The following EPHA10 variants were observed in gnomAD, a reference collection of about 807,000 sequenced individuals.
EPHA10 encodes the protein ephrin type-A receptor 10.
A neutral mutation model predicts 109.7 loss-of-function variants in EPHA10; 120 were observed. The observed-to-expected ratio is 1.09, with a 90% CI of 0.94 to 1.27. The LOEUF (loss-of-function observed/expected upper bound fraction) is 1.27. Ranked by LOEUF, EPHA10 falls within the 50% of genes most tolerant of loss-of-function variation. The probability of loss-of-function intolerance (pLI) is 0.00; values close to 1 mark genes in which losing one functional copy is unlikely to be tolerated. For synonymous variants in EPHA10, 640 were observed against 618.9 expected (o/e 1.03, Z -0.51); for missense variants, 1,396 against 1,411.1 (o/e 0.99, Z 0.17).
intron 12 of EPHA10, 40 bp downstream of exon 12, chr1:37,720,743 A>G (rs1472646899): frequency 2.5e-5 from 41 of 1,610,718 alleles, no homozygotes; most frequent in Non-Finnish European, 3.3e-5. Context: ...TGCCCGCTTT[A>G]CAGAATAAAG....
intron 12 of EPHA10, 77 bp from the exon 13 acceptor site, chr1:37,720,631 A>C: frequency 6.5e-7 from 1 of 1,538,410 alleles, no homozygotes; most frequent in Non-Finnish European, 8.8e-7. Context: ...GCGGTCACCT[A>C]GCTCTCGCCA....
At chr1:37,720,938 G>A (rs994679614) in intron 11 of EPHA10, 94 bp from the exon 12 acceptor site, 52 of 1,260,190 alleles carry the variant, frequency 4.1e-5, no homozygotes, top group Non-Finnish European at 5.6e-5. Context: ...TGGGCCTCGA[G>A]AGCCAGAACC....
intron 5 of EPHA10, 100 bp from the exon 6 acceptor site, chr1:37,735,490 C>A: frequency 7.1e-7 from 1 of 1,402,866 alleles, no homozygotes; most frequent in Non-Finnish European, 9.6e-7. Flanking sequence ...TGGGACCGGA[C>A]TAGAGAGGCC....
chr1:37,762,273 T>C (rs1214586052), intron 2 of EPHA10, among the ~76,000 whole-genome samples, 190 bp from the exon 3 acceptor site: 1 of 152,174 alleles, frequency 6.6e-6, no homozygotes, highest in African/African-American at 2.4e-5. Flanking sequence ...AAACTGAGGC[T>C]CCAGAGGGAG....
rs1160002328 is a variant in EPHA10, at chr1:37,761,621, G to A, written c.634C>T (p.Arg212Cys). The A allele has an allele frequency of 9.4e-6, 15 of 1,603,990 alleles. No homozygotes were observed. Among genetic ancestry groups the A allele is most frequent in the Non-Finnish European group, 1.1e-5 (13 of 1,179,464 alleles). Reference protein sequence around the residue: ...VSVRVYYKQCRATVRGLATFP... With the variant: ...VSVRVYYKQCCATVRGLATFP... ...GTGGCCAGGCCCCGCACGGTGGCGC[G>A]GCACTGCTTGTAGTAGACGCGCACC... is the stretch of plus-strand genomic sequence containing the variant. The change falls in exon 3 of 17, where the codon CGC (arginine) becomes TGC (cysteine). Residue 212 changes from arginine to cysteine, a missense_variant. Transcript: ENST00000373048.
At chr1:37,760,178 T>A (rs1204496011) in intron 3 of EPHA10, 1 of 685,606 alleles carries the variant, frequency 1.5e-6, no homozygotes. Context: ...GATTTTTAAA[T>A]TTTTGCATCT....
intron 3 of EPHA10, chr1:37,761,089 T>TAAAA (rs74980924): frequency 7.2e-5 from 66 of 912,600 alleles, no homozygotes; most frequent in Non-Finnish European, 7.2e-5. Context: ...CTCCTTATTT[T>TAAAA]AAAAAAAAAA....
rs2148305752 is a variant in EPHA10 at position 37,719,984 on chromosome 1, C to T, written c.2487G>A (p.Val829=). ...QFGHFSSASD[V]WSFGIIMWEV... ...CCCACATGATGATGCCGAAGCTCCA[C>T]ACGTCACTGGCAGAGCTGAAGTGGC... Residue 829 remains valine, a synonymous_variant, in exon 14 of 17, where the codon GTG becomes GTA. Transcript: ENST00000373048. 6.2e-7 allele frequency: 1 copy of T among 1,614,112 alleles called. No homozygotes were observed. The highest frequency in any genetic ancestry group is 8.5e-7 in the Non-Finnish European group (1 of 1,180,034).
chr1:37,719,938 G>A lies in EPHA10; in HGVS notation c.2533C>T (p.Arg845Trp), dbSNP rs371694877. 24 of 1,614,044 alleles carry A rather than the reference G, an allele frequency of 1.5e-5. No homozygotes were observed. The highest frequency in any genetic ancestry group is 4.0e-5 in the African/African-American group (3 of 75,030). The change falls in exon 14 of 17, where the codon CGG (arginine) becomes TGG (tryptophan). Residue 845 changes from arginine (R) to tryptophan (W), a missense_variant. Arg to Trp is a moderately radical substitution (Grantham distance 101). Coordinates refer to ENST00000373048, the MANE Select transcript of EPHA10 (RefSeq NM_001099439.2). ...TGGCCAGACATGTCCCAGTAAGGCC[G>A]CTCCCCAAAGGCCATCACCTCCCAC... Reference protein sequence around the residue: ...IMWEVMAFGERPYWDMSGQDV... With the variant: ...IMWEVMAFGEWPYWDMSGQDV...
intron 3 of EPHA10, chr1:37,756,697 C>T (rs1646394746): frequency 6.6e-6 from 1 of 152,334 alleles, no homozygotes; most frequent in Non-Finnish European, 1.5e-5. Context: ...TAGGATGAGC[C>T]CCCATTAGCT....
chr1:37,759,795 T>TAA (rs34020481), intron 3 of EPHA10, among the ~76,000 whole-genome samples: 292 of 146,554 alleles, frequency 2.0e-3, no homozygotes, highest in Admixed American at 4.4e-3. Context: ...CCCCCATTTC[T>TAA]AAAAAAAAAA....
rs1646456996 is a variant in EPHA10 at position 37,764,268 on chromosome 1, A to G, written c.106+693T>C. ...GGAAGGCATCAGCCATCCAGGGCCCAGACCAACCCCGCGGTCAACGCCTCA... is the reference window on the plus strand; with the variant it reads ...GGAAGGCATCAGCCATCCAGGGCCCGGACCAACCCCGCGGTCAACGCCTCA... On this transcript the variant is annotated intron_variant, in intron 1 of 16. Transcript: ENST00000373048. This position sits in a 1 kb window ranked among gnomAD's most constrained non-coding sequence, Gnocchi z 5.8. 6.6e-6 allele frequency among the ~76,000 whole-genome samples: 1 copy of G among 152,008 alleles called. No individual in the cohort carries two copies. The highest frequency in any genetic ancestry group is 1.5e-5 in the Non-Finnish European group (1 of 68,004).
At chr1:37,732,336 C>T (rs1008684408) in intron 6 of EPHA10, among the ~76,000 whole-genome samples, 1 of 152,068 alleles carries the variant, frequency 6.6e-6, no homozygotes, top group Non-Finnish European at 1.5e-5. Context: ...CATCATGCTG[C>T]CCCCCGCTCC....
At chr1:37,761,102 A>AAACAATG in intron 3 of EPHA10, 2 of 1,185,082 alleles carry the variant, frequency 1.7e-6, no homozygotes, top group Non-Finnish European at 2.1e-6. Context: ...AAAAAAAAAA[A>AAACAATG]AACAATGACT....
At chr1:37,733,821 TCTCC>T (rs1646027664) in intron 6 of EPHA10, among the ~76,000 whole-genome samples, 1 of 151,872 alleles carries the variant, frequency 6.6e-6, no homozygotes, top group Non-Finnish European at 1.5e-5. Flanking sequence ...TCTCTCTTTC[TCTCC>T]CTTTCCAAGC....
At position 37,761,894 on chromosome 1, in the gene EPHA10, T is replaced by C. The variant is rs148837341; in HGVS notation, c.361A>G (p.Thr121Ala). ...DCSSIPGAAG[T>A]CKETFNVYYL... is the part of the protein sequence containing the mutation. ...TAGACGTTGAAGGTCTCCTTGCAGG[T>C]ACCCGCGGCGCCAGGGATGCTGCTG... Residue 121 changes from threonine (T) to alanine (A), a missense_variant, in exon 3 of 17, where the codon ACC (threonine) becomes GCC (alanine). Transcript: ENST00000373048. 126 of 1,611,626 alleles carry C rather than the reference T, an allele frequency of 7.8e-5. No homozygotes were observed. The highest frequency in any genetic ancestry group is 1.1e-4 in the Non-Finnish European group (124 of 1,178,310).
chr1:37,714,576 G>T (rs1031838556), downstream of EPHA10, among the ~76,000 whole-genome samples: 3 of 152,216 alleles, frequency 2.0e-5, no homozygotes, highest in Non-Finnish European at 4.4e-5. Flanking sequence ...AGGCCTCTAT[G>T]TTGAAGTCCT....
Position 37,719,464 on chromosome 1 carries a change from C to G in EPHA10, c.2706G>C (p.Lys902Asn). ...TGGGGGGCTCTGGGTCCTGCACCATCTTGCTCAGGATGCTGTGGATCTGGG... is the reference window on the plus strand; with the variant it reads ...TGGGGGGCTCTGGGTCCTGCACCATGTTGCTCAGGATGCTGTGGATCTGGG... ...RFSQIHSILSKMVQDPEPPKC... is the reference protein window; with the variant it reads ...RFSQIHSILSNMVQDPEPPKC... Residue 902 changes from lysine (K) to asparagine (N), a missense_variant, in exon 15 of 17, where the codon AAG becomes AAC. By Grantham distance (94) the Lys-to-Asn change is moderately conservative (BLOSUM62 0). Coordinates refer to ENST00000373048, the MANE Select transcript of EPHA10 (RefSeq NM_001099439.2). 6.2e-7 allele frequency: 1 copy of G among 1,613,962 alleles called. No homozygotes were observed. Among genetic ancestry groups the G allele is most frequent in the Non-Finnish European group, 8.5e-7 (1 of 1,180,016 alleles).
At chr1:37,730,849 G>T (rs1351531784) in intron 7 of EPHA10, among the ~76,000 whole-genome samples, 1 of 151,810 alleles carries the variant, frequency 6.6e-6, no homozygotes, top group South Asian at 2.1e-4. Context: ...CCGCCACCAC[G>T]CCCGGCTGAT....
Sources: allele counts gnomAD v4.1 joint callset (sites outside exome capture counted in the v4.1 genomes callset), GRCh38; gene constraint gnomAD v4.1.1; non-coding constraint Gnocchi (gnomAD v3.1); transcripts MANE v1.5; gene names NCBI Gene and HGNC (gene_info 2026-07-23, HGNC 2026-07-21).